Variants in CTNNA3 observed in about 807,000 individuals in gnomAD.
The protein encoded by CTNNA3 is catenin alpha 3.
CTNNA3 carries 76 observed loss-of-function variants against 95.7 expected under a neutral mutation model. The ratio of observed to expected loss-of-function variants is 0.79; its 90% CI spans 0.66 to 0.96. CTNNA3 has a LOEUF of 0.96. CTNNA3 is among the 40% of genes least tolerant of loss of function. The probability of loss-of-function intolerance (pLI) is 0.00; values close to 1 mark genes in which losing one functional copy is unlikely to be tolerated. For missense variants in CTNNA3, 1,191 were observed against 1,089.8 expected, an observed-to-expected ratio of 1.09 and a Z score of -1.31; for synonymous variants, 431 against 374.4, an observed-to-expected ratio of 1.15 and a Z score of -1.74.
chr10:66,250,568 A>T (rs12217483), intron 13 of CTNNA3, among the ~76,000 whole-genome samples: 10,242 of 152,170 alleles, frequency 0.067, 612 homozygotes, highest in African/African-American at 0.16. Flanking sequence ...TACTCTCTAC[A>T]ATTAAAAATA....
At chr10:66,405,278 G>A (rs1032521404) in intron 11 of CTNNA3, among the ~76,000 whole-genome samples, 2 of 152,034 alleles carry the variant, frequency 1.3e-5, no homozygotes, top group Admixed American at 6.6e-5. Flanking sequence ...GAAAACTATG[G>A]TTGTGGTGTT....
intron 9 of CTNNA3, among the ~76,000 whole-genome samples, chr10:66,764,461 T>C (rs1312616050): frequency 1.3e-5 from 2 of 152,220 alleles, no homozygotes; most frequent in Non-Finnish European, 2.9e-5. Flanking sequence ...TTTTCAAGAA[T>C]GTAAATTTTC....
chr10:66,201,579 G>A lies in CTNNA3; in HGVS notation c.1884+78891C>T, dbSNP rs542974872. 9.9e-5 allele frequency among the ~76,000 whole-genome samples: 15 copies of A among 152,108 alleles called. No homozygotes were observed. In the South Asian group the frequency reaches 1.5e-3, roughly 15 times the overall value. On this transcript the variant is annotated intron_variant, in intron 13 of 17. Coordinates refer to ENST00000433211, the MANE Select transcript of CTNNA3 (RefSeq NM_013266.4). Reference sequence around the variant, plus strand: ...GAAGTTATCAGAAGACATCAGCCACGTGATGTTACTTCTTTTATCTACTCT... The same window carrying A: ...GAAGTTATCAGAAGACATCAGCCACATGATGTTACTTCTTTTATCTACTCT...
intron 9 of CTNNA3, among the ~76,000 whole-genome samples, chr10:66,653,335 A>G (rs1845973158): frequency 6.6e-6 from 1 of 152,124 alleles, no homozygotes; most frequent in East Asian, 1.9e-4. Context: ...TCCAAAAAAG[A>G]AATCAAGAAA....
At chr10:66,926,528 A>G (rs1217820521) in intron 7 of CTNNA3, 1 of 1,603,878 alleles carries the variant, frequency 6.2e-7, no homozygotes, top group African/African-American at 1.3e-5. Flanking sequence ...CTGTCATGCA[A>G]CTGGCCCCTA....
chr10:67,730,102 C>T lies in CTNNA3; in HGVS notation c.-2+33332G>A, dbSNP rs147783815. Among the ~76,000 whole-genome samples the T allele has an allele frequency of 2.5e-3, 374 of 152,276 alleles. 2 individuals carry two copies. Among genetic ancestry groups the T allele is most frequent in the African/African-American group, 8.5e-3 (352 of 41,566 alleles). On this transcript the variant is annotated intron_variant, in intron 1 of 17. Coordinates refer to the CTNNA3 transcript ENST00000684154. ...CCCCACCCACCAGGATCTTCATTTACACTCCCTTCTCTTGTGGAGGGACAA... is the reference window on the plus strand; with the variant it reads ...CCCCACCCACCAGGATCTTCATTTATACTCCCTTCTCTTGTGGAGGGACAA...
chr10:66,460,576 T>G (rs1031879724), intron 11 of CTNNA3, among the ~76,000 whole-genome samples: 2 of 152,110 alleles, frequency 1.3e-5, no homozygotes, highest in African/African-American at 4.8e-5. Context: ...TGCACATCCC[T>G]GCAAGTCCCT....
At chr10:67,120,592 A>G (rs1301295075) in intron 7 of CTNNA3, among the ~76,000 whole-genome samples, 1 of 152,030 alleles carries the variant, frequency 6.6e-6, no homozygotes, top group Non-Finnish European at 1.5e-5. Flanking sequence ...AAGAAAATTG[A>G]GCACTTTCCA....
At chr10:66,646,980 G>C (rs1178749114) in intron 9 of CTNNA3, among the ~76,000 whole-genome samples, 1 of 150,918 alleles carries the variant, frequency 6.6e-6, no homozygotes, top group African/African-American at 2.4e-5. Flanking sequence ...GGGTTTGAAG[G>C]CTATCAATAA....
chr10:66,785,341 T>C (rs1323953261), intron 7 of CTNNA3, among the ~76,000 whole-genome samples: 1 of 152,202 alleles, frequency 6.6e-6, no homozygotes, highest in African/African-American at 2.4e-5. Flanking sequence ...GAAGCTGTTT[T>C]CAGAATAAAA....
At chr10:66,061,431 T>C (rs143912115) in intron 15 of CTNNA3, among the ~76,000 whole-genome samples, 34 of 151,874 alleles carry the variant, frequency 2.2e-4, no homozygotes, top group Non-Finnish European at 2.2e-4. Flanking sequence ...CGCATCTAAT[T>C]ATGAGTCTCC....
At chr10:67,230,641 G>C (rs141627892) in intron 5 of CTNNA3, among the ~76,000 whole-genome samples, 13 of 152,300 alleles carry the variant, frequency 8.5e-5, no homozygotes, top group South Asian at 4.1e-4. Context: ...GACATGAATA[G>C]ACAATGCTCA....
chr10:67,426,499 C>A (rs767490558), intron 5 of CTNNA3, among the ~76,000 whole-genome samples: 1 of 151,992 alleles, frequency 6.6e-6, no homozygotes, highest in Non-Finnish European at 1.5e-5. Context: ...AGTTCATGTC[C>A]TTTGCAGGGA....
At chr10:67,575,810 C>G (rs1842123493) in intron 3 of CTNNA3, among the ~76,000 whole-genome samples, 1 of 152,142 alleles carries the variant, frequency 6.6e-6, no homozygotes, top group Non-Finnish European at 1.5e-5. Flanking sequence ...ACTGTTGGCT[C>G]CCCTTAACAA....
At chr10:66,982,641 C>T (rs576608490) in intron 7 of CTNNA3, among the ~76,000 whole-genome samples, 57 of 151,992 alleles carry the variant, frequency 3.8e-4, no homozygotes, top group Non-Finnish European at 6.3e-4. Flanking sequence ...AATTGTTAAC[C>T]TTGTGAGGTT....
intron 11 of CTNNA3, among the ~76,000 whole-genome samples, chr10:66,393,825 G>A (rs2092952995): frequency 6.6e-6 from 1 of 151,992 alleles, no homozygotes; most frequent in Admixed American, 6.6e-5. Context: ...GAGCCTTTGA[G>A]CTGATAAATA....
At chr10:67,447,418 T>C (rs1589299418) in intron 5 of CTNNA3, among the ~76,000 whole-genome samples, 1 of 152,354 alleles carries the variant, frequency 6.6e-6, no homozygotes, top group East Asian at 1.9e-4. Context: ...CTTTCTCAAC[T>C]ACCTTTGTGA....
At chr10:67,563,431 C>T (rs1394966054) in intron 3 of CTNNA3, among the ~76,000 whole-genome samples, 1 of 152,154 alleles carries the variant, frequency 6.6e-6, no homozygotes, top group Admixed American at 6.6e-5. Flanking sequence ...GGAAAACAGG[C>T]TAGCCATATG....
chr10:67,274,374 C>CA, intron 5 of CTNNA3, among the ~76,000 whole-genome samples: 1 of 152,160 alleles, frequency 6.6e-6, no homozygotes, highest in South Asian at 2.1e-4. Context: ...TGGATAAAGA[C>CA]AATAGGAATA....
Sources: allele counts gnomAD v4.1 joint callset (sites outside exome capture counted in the v4.1 genomes callset), GRCh38; gene constraint gnomAD v4.1.1; transcripts MANE v1.5; gene names NCBI Gene and HGNC (gene_info 2026-07-23, HGNC 2026-07-21).